Variants in XKR4 observed in about 807,000 individuals in gnomAD.
XKR4 encodes the protein XK-related protein 4.
XKR4 carries 12 observed loss-of-function variants against 53.9 expected under a neutral mutation model. The ratio of observed to expected loss-of-function variants is 0.22; its 90% CI spans 0.14 to 0.36. XKR4 has a LOEUF of 0.36. XKR4 is among the 10% of genes least tolerant of loss of function. XKR4 has a pLI of 1.00. For missense variants in XKR4, 799 were observed against 859.5 expected, an observed-to-expected ratio of 0.93 and a Z score of 0.88; for synonymous variants, 354 against 362.4, an observed-to-expected ratio of 0.98 and a Z score of 0.26.
At chr8:55,206,847 T>A (rs756227546) in intron 1 of XKR4, among the ~76,000 whole-genome samples, 7 of 152,230 alleles carry the variant, frequency 4.6e-5, no homozygotes, top group Non-Finnish European at 1.0e-4. Context: ...GCAGAAAGAA[T>A]GTAAATTTTA....
chr8:55,390,727 C>T, intron 2 of XKR4, among the ~76,000 whole-genome samples: 1 of 152,136 alleles, frequency 6.6e-6, no homozygotes, highest in East Asian at 1.9e-4. Flanking sequence ...CATCTTCTGG[C>T]CCTGAATCAC....
intron 1 of XKR4, among the ~76,000 whole-genome samples, chr8:55,243,015 C>T (rs2129368507): frequency 6.6e-6 from 1 of 152,162 alleles, no homozygotes; most frequent in Admixed American, 6.6e-5. Context: ...TGTTGTATTC[C>T]TTTTTTCACT....
At chr8:55,216,823 T>G (rs1314872558) in intron 1 of XKR4, among the ~76,000 whole-genome samples, 1 of 148,308 alleles carries the variant, frequency 6.7e-6, no homozygotes, top group East Asian at 2.0e-4. Context: ...ACTATAAAGA[T>G]AATGGAAAAG....
chr8:55,243,179 T>C (rs1011357016), intron 1 of XKR4, among the ~76,000 whole-genome samples: 1 of 152,210 alleles, frequency 6.6e-6, no homozygotes, highest in Admixed American at 6.5e-5. Context: ...CTAACCTGAA[T>C]TGACACATCA....
chr8:55,316,804 T>C (rs1819484824), intron 1 of XKR4, among the ~76,000 whole-genome samples: 1 of 152,206 alleles, frequency 6.6e-6, no homozygotes, highest in Non-Finnish European at 1.5e-5. Flanking sequence ...GCATTATGGT[T>C]TGGACTGAAT....
chr8:55,181,876 C>T (rs1172987794), intron 1 of XKR4, among the ~76,000 whole-genome samples: 1 of 151,930 alleles, frequency 6.6e-6, no homozygotes, highest in Non-Finnish European at 1.5e-5. Context: ...TTTGAACTCC[C>T]TCAGACTGAA....
At chr8:55,247,855 C>CTTTCTTTT (rs369983175) in intron 1 of XKR4, among the ~76,000 whole-genome samples, 2 of 59,856 alleles carry the variant, frequency 3.3e-5, no homozygotes, top group African/African-American at 8.9e-5. Context: ...TTCTTTCTTT[C>CTTTCTTTT]TTTTTTTTTT....
At chr8:55,167,466 A>T (rs1309052501) in intron 1 of XKR4, among the ~76,000 whole-genome samples, 1 of 152,184 alleles carries the variant, frequency 6.6e-6, no homozygotes, top group Non-Finnish European at 1.5e-5. Context: ...GATTGCTGAA[A>T]GGAGAAGGCA....
At chr8:55,187,624 T>C (rs1310688936) in intron 1 of XKR4, among the ~76,000 whole-genome samples, 1 of 152,216 alleles carries the variant, frequency 6.6e-6, no homozygotes, top group East Asian at 1.9e-4. Context: ...AAATTATATT[T>C]GGCAAAAATA....
At chr8:55,195,178 A>G (rs1817489124) in intron 1 of XKR4, among the ~76,000 whole-genome samples, 1 of 99,118 alleles carries the variant, frequency 1.0e-5, no homozygotes. Flanking sequence ...AACTGGAAAA[A>G]AAGCAGTATC....
At chr8:55,122,354 T>C (rs1039718823) in intron 1 of XKR4, among the ~76,000 whole-genome samples, 1 of 152,356 alleles carries the variant, frequency 6.6e-6, no homozygotes, top group African/African-American at 2.4e-5. Context: ...ACCTTTTTGG[T>C]TTTAAAATTT....
At chr8:55,230,521 C>A (rs995469724) in intron 1 of XKR4, among the ~76,000 whole-genome samples, 4 of 152,086 alleles carry the variant, frequency 2.6e-5, no homozygotes, top group African/African-American at 9.7e-5. Context: ...GCATGTGCCA[C>A]CATGCCTGGC....
intron 1 of XKR4, among the ~76,000 whole-genome samples, chr8:55,210,338 C>G (rs1473565872): frequency 1.3e-5 from 2 of 152,186 alleles, no homozygotes; most frequent in Middle Eastern, 3.2e-3. Flanking sequence ...CCTGCCTCAG[C>G]CTCCCAAAGT....
chr8:55,467,363 A>G (rs1805791075), intron 2 of XKR4, among the ~76,000 whole-genome samples: 1 of 152,092 alleles, frequency 6.6e-6, no homozygotes, highest in African/African-American at 2.4e-5. Flanking sequence ...AGGCACTTTC[A>G]TTACATTTGC....
Position 55,271,463 on chromosome 8 carries a change from A to G in XKR4, c.807-86215A>G, listed in dbSNP as rs923832822. ...AATTAAGAGAGAAGGCAGAGAAGGA[A>G]AAAACTGGAAATAAAGGAAGACCAA... On this transcript the variant is annotated intron_variant, in intron 1 of 2. Coordinates refer to ENST00000327381, the MANE Select transcript of XKR4 (RefSeq NM_052898.2). 3.3e-5 allele frequency among the ~76,000 whole-genome samples: 5 copies of G among 152,000 alleles called. No individual in the cohort carries two copies. The East Asian group carries it at 9.6e-4, about 29-fold the overall frequency.
chr8:55,263,039 C>T (rs1035659136), intron 1 of XKR4, among the ~76,000 whole-genome samples: 6 of 152,226 alleles, frequency 3.9e-5, no homozygotes, highest in Non-Finnish European at 5.9e-5. Flanking sequence ...AGCTTTTTCT[C>T]TGTCCCTCTG....
At chr8:55,280,008 C>G (rs955193340) in intron 1 of XKR4, among the ~76,000 whole-genome samples, 2 of 152,174 alleles carry the variant, frequency 1.3e-5, no homozygotes, top group Non-Finnish European at 2.9e-5. Context: ...AAGGTAACAA[C>G]ATCATTAATG....
intron 1 of XKR4, among the ~76,000 whole-genome samples, chr8:55,135,925 C>T (rs1563465333): frequency 6.6e-6 from 1 of 150,676 alleles, no homozygotes; most frequent in Non-Finnish European, 1.5e-5. Flanking sequence ...GACAGAGTCT[C>T]GCTCTGTCCC....
At chr8:55,459,145 T>C (rs1032525895) in intron 2 of XKR4, among the ~76,000 whole-genome samples, 3 of 152,184 alleles carry the variant, frequency 2.0e-5, no homozygotes, top group Non-Finnish European at 2.9e-5. Flanking sequence ...CAATTGAGTT[T>C]TAACAAAGAG....
Sources: allele counts gnomAD v4.1 joint callset (sites outside exome capture counted in the v4.1 genomes callset), GRCh38; gene constraint gnomAD v4.1.1; transcripts MANE v1.5; gene names NCBI Gene and HGNC (gene_info 2026-07-23, HGNC 2026-07-21).